The following GUCY2C variants were observed in gnomAD, a reference collection of about 807,000 sequenced individuals.
The protein encoded by GUCY2C is guanylate cyclase 2C, also known as guanylyl cyclase C.
Under a neutral mutation model 131.1 loss-of-function variants are expected in GUCY2C, and 118 were observed. The ratio of observed to expected loss-of-function variants is 0.90; its 90% CI spans 0.78 to 1.05. The LOEUF is 1.05. Among genes scored for constraint, GUCY2C ranks in the 50% least tolerant of loss-of-function variants. GUCY2C has a pLI of 0.00. For missense variants in GUCY2C, 1,161 were observed against 1,304.4 expected, an observed-to-expected ratio of 0.89 and a Z score of 1.69; for synonymous variants, 452 against 457.8, an observed-to-expected ratio of 0.99 and a Z score of 0.16.
In GUCY2C at chr12:14,640,065, G is replaced by C. The variant is rs576794674; in HGVS notation, c.2069-115C>G. On this transcript the variant is annotated intron_variant, in intron 18 of 26. Coordinates refer to ENST00000261170, the MANE Select transcript of GUCY2C (RefSeq NM_004963.4). ...CCCTGGATGGCTCTTAGCTCAGTGA[G>C]AGTGCTGCAGAGCCTAGACCAGCAC... 37 of 704,246 alleles carry C rather than the reference G, an allele frequency of 5.3e-5. No homozygotes were observed. In the African/African-American group the frequency reaches 5.6e-4, roughly 11 times the overall value. 43.6% of individuals were successfully genotyped at this position (704,246 alleles called of 1,614,324 possible).
chr12:14,614,631 G>A (rs1946718697), intron 26 of GUCY2C: 1 of 451,632 alleles, frequency 2.2e-6, no homozygotes, highest in Admixed American at 4.7e-5. Flanking sequence ...TCCAGACAGG[G>A]AAGCCAAGGC....
In GUCY2C at chr12:14,695,560, C is replaced by T. The variant is rs530488602; in HGVS notation, c.217+672G>A. ...AGCTTGCAGTGAGCCGAGATCGTGC[C>T]ACTGCACTCCAGCCTGGGTGACAGA... On this transcript the variant is annotated intron_variant, in intron 1 of 26. Coordinates refer to ENST00000261170, the MANE Select transcript of GUCY2C (RefSeq NM_004963.4). Among the ~76,000 whole-genome samples the T allele has an allele frequency of 6.3e-4, 89 of 140,438 alleles. 1 individual carries two copies. The highest frequency in any genetic ancestry group is 2.4e-3 in the African/African-American group (88 of 36,304). The allele number at this position is 140,438 out of a possible 152,430, so 92.1% of individuals were successfully genotyped here. A position where few individuals can be genotyped will look rare whatever the true frequency, so the allele number is the denominator to read the frequency against.
At chr12:14,630,667 G>C (rs568690156) in intron 19 of GUCY2C, among the ~76,000 whole-genome samples, 1 of 152,284 alleles carries the variant, frequency 6.6e-6, no homozygotes, top group Admixed American at 6.5e-5. Context: ...TTGAGCCGCT[G>C]TGGATTTTGG....
chr12:14,614,824 A>T, intron 26 of GUCY2C, 43 bp downstream of exon 26: 4 of 1,234,746 alleles, frequency 3.2e-6, no homozygotes, highest in Non-Finnish European at 4.6e-6. Flanking sequence ...CAAAGCCAAG[A>T]TCTCTAATTT....
intron 10 of GUCY2C, among the ~76,000 whole-genome samples, chr12:14,668,684 CTT>C (rs1262755795): frequency 6.8e-6 from 1 of 148,044 alleles, no homozygotes; most frequent in African/African-American, 2.5e-5. Context: ...AGATTTAAGA[CTT>C]TTTCTTAAAG....
intron 21 of GUCY2C, 132 bp downstream of exon 21, chr12:14,625,625 G>C (rs1051051465): frequency 1.1e-6 from 1 of 888,112 alleles, no homozygotes; most frequent in Admixed American, 2.3e-5. Context: ...GAGCCTCCGT[G>C]CCTGGCAGTA....
At chr12:14,680,642 A>G (rs1032691843) in intron 5 of GUCY2C, among the ~76,000 whole-genome samples, 5 of 152,162 alleles carry the variant, frequency 3.3e-5, no homozygotes, top group African/African-American at 1.2e-4. Flanking sequence ...AAGTGCAACA[A>G]ATCCCCTAAT....
At chr12:14,692,762 T>A (rs995349581) in intron 1 of GUCY2C, among the ~76,000 whole-genome samples, 19 of 152,126 alleles carry the variant, frequency 1.2e-4, no homozygotes, top group African/African-American at 4.3e-4. Flanking sequence ...GGCAGGAGAA[T>A]CGCTTGAACC....
intron 18 of GUCY2C, 139 bp from the exon 19 acceptor site, chr12:14,640,089 A>C (rs755017129): frequency 6.3e-6 from 4 of 634,568 alleles, no homozygotes; most frequent in Non-Finnish European, 1.1e-5. Flanking sequence ...CTAGACCAGC[A>C]CTCAGTAGAC....
At chr12:14,670,610 T>C (rs1481617446) in intron 9 of GUCY2C, among the ~76,000 whole-genome samples, 1 of 151,922 alleles carries the variant, frequency 6.6e-6, no homozygotes, top group African/African-American at 2.4e-5. Flanking sequence ...GGAGAGGTAA[T>C]TGAATCATGG....
chr12:14,659,283 T>C (rs1947819343), intron 11 of GUCY2C, among the ~76,000 whole-genome samples: 1 of 152,148 alleles, frequency 6.6e-6, no homozygotes, highest in African/African-American at 2.4e-5. Flanking sequence ...GACCTCATGA[T>C]TCAGCCACCT....
At chr12:14,617,188 GTGCTATTCTTCCCTTACAGCC>G (rs1946783948) in intron 24 of GUCY2C, among the ~76,000 whole-genome samples, 1 of 152,148 alleles carries the variant, frequency 6.6e-6, no homozygotes, top group African/African-American at 2.4e-5. Context: ...GCAGATGCAG[GTGCTATTCTTCCCTTACAGCC>G]TGCAGAACCA....
At chr12:14,637,437 T>A (rs1947294883) in intron 19 of GUCY2C, among the ~76,000 whole-genome samples, 1 of 151,800 alleles carries the variant, frequency 6.6e-6, no homozygotes, top group African/African-American at 2.4e-5. Context: ...GAAAAAACAA[T>A]CCTAAAATCC....
chr12:14,664,847 GTCATTCATTCAT>G lies in GUCY2C; in HGVS notation c.1283-3797_1283-3786del, dbSNP rs72427445. On this transcript the variant is annotated intron_variant, in intron 10 of 26. Coordinates refer to ENST00000261170, the MANE Select transcript of GUCY2C (RefSeq NM_004963.4). ...GAAATATATTCAGTTATCTCATGTTGTCATTCATTCATTCATTCATTCATTCATTTATTCATT... is the reference window on the plus strand; with the variant it reads ...GAAATATATTCAGTTATCTCATGTTGTCATTCATTCATTCATTTATTCATT... Among the ~76,000 whole-genome samples, 454 of 151,962 alleles carry G rather than the reference GTCATTCATTCAT, an allele frequency of 3.0e-3. 3 individuals carry two copies. The highest frequency in any genetic ancestry group is 8.1e-3 in the African/African-American group (333 of 41,334).
intron 14 of GUCY2C, 98 bp downstream of exon 14, chr12:14,651,861 G>T: frequency 1.5e-6 from 1 of 675,702 alleles, no homozygotes; most frequent in Non-Finnish European, 2.6e-6. Context: ...CTTGGCCTGA[G>T]GGCTTTTCTG....
intron 7 of GUCY2C, among the ~76,000 whole-genome samples, chr12:14,676,011 A>G (rs548307973): frequency 7.4e-4 from 112 of 152,338 alleles, no homozygotes; most frequent in Non-Finnish European, 1.2e-3. Flanking sequence ...TAGCTGGGAA[A>G]AACTGTGACA....
At chr12:14,664,977 G>A (rs1482787885) in intron 10 of GUCY2C, among the ~76,000 whole-genome samples, 1 of 152,150 alleles carries the variant, frequency 6.6e-6, no homozygotes, top group Non-Finnish European at 1.5e-5. Flanking sequence ...ACTTTGGGAA[G>A]CCAAGGCGGG....
At chr12:14,665,737 T>G (rs1342712020) in intron 10 of GUCY2C, 1 of 152,236 alleles carries the variant, frequency 6.6e-6, no homozygotes, top group Non-Finnish European at 1.5e-5. Context: ...AATATCTTTG[T>G]TAAATAAATG....
intron 16 of GUCY2C, among the ~76,000 whole-genome samples, chr12:14,644,034 G>T (rs560019298): frequency 3.3e-5 from 5 of 151,986 alleles, no homozygotes; most frequent in African/African-American, 9.7e-5. Context: ...TGTGACCCTG[G>T]GTAGGTCTCT....
Sources: gnomAD v4.1 joint callset for allele counts (sites outside exome capture counted in the v4.1 genomes callset) on GRCh38, gnomAD v4.1.1 for gene constraint, MANE v1.5 for transcripts, NCBI Gene and HGNC (gene_info 2026-07-23, HGNC 2026-07-21) for gene names.